The following EPB41L4A variants were observed in gnomAD, a reference collection of about 807,000 sequenced individuals.
The protein encoded by EPB41L4A is band 4.1-like protein 4A.
In EPB41L4A, 100 loss-of-function variants were observed where a neutral mutation model predicts 108.6. That is an observed-to-expected ratio of 0.92 (90% CI 0.78 to 1.09). The LOEUF is 1.09. Ranked by LOEUF, EPB41L4A falls within the 50% of genes least tolerant of loss-of-function variation. EPB41L4A has a pLI of 0.00. For synonymous variants in EPB41L4A, 319 were observed against 289.0 expected, an observed-to-expected ratio of 1.10 and a Z score of -1.05; for missense variants, 1,030 against 842.7, an observed-to-expected ratio of 1.22 and a Z score of -2.75.
At chr5:112,335,406 T>C (rs1384011134) in intron 1 of EPB41L4A, among the ~76,000 whole-genome samples, 1 of 152,222 alleles carries the variant, frequency 6.6e-6, no homozygotes, top group Non-Finnish European at 1.5e-5. Flanking sequence ...ACCACTTTCT[T>C]TGAAATCTTA....
At chr5:112,288,889 G>A (rs1005293124) in intron 2 of EPB41L4A, among the ~76,000 whole-genome samples, 1 of 151,408 alleles carries the variant, frequency 6.6e-6, no homozygotes, top group East Asian at 1.9e-4. Context: ...GTGCAGTGGC[G>A]CAATCTCGGC....
chr5:112,217,221 G>A (rs1166576140), intron 12 of EPB41L4A, among the ~76,000 whole-genome samples: 1 of 152,162 alleles, frequency 6.6e-6, no homozygotes, highest in Non-Finnish European at 1.5e-5. Context: ...TAGAATTACA[G>A]GCGTGAGCCA....
chr5:112,209,971 T>TG lies in EPB41L4A; in HGVS notation c.1098dup (p.Ile367HisfsTer3), dbSNP rs1762655597. On this transcript the variant is annotated frameshift_variant, in exon 13 of 23. Transcript: ENST00000261486. LOFTEE classifies it high-confidence loss of function. ...TCCATGTTTGCAGTTATCCTACTGA[T>TG]GCTGTTTGATTCTAGCAGAGGAGGA... 6.3e-6 allele frequency: 10 copies of TG among 1,587,178 alleles called. No homozygotes were observed. Among genetic ancestry groups the TG allele is most frequent in the Non-Finnish European group, 8.6e-6 (10 of 1,157,378 alleles).
chr5:112,169,448 T>A (rs1486563040), intron 20 of EPB41L4A, among the ~76,000 whole-genome samples: 3 of 152,170 alleles, frequency 2.0e-5, no homozygotes, highest in Non-Finnish European at 4.4e-5. Flanking sequence ...CAAAATGGCA[T>A]TCCTAATGGA....
chr5:112,266,229 C>G lies in EPB41L4A; in HGVS notation c.433+4G>C. 2 of 1,594,690 alleles carry G rather than the reference C, an allele frequency of 1.3e-6. No individual in the cohort carries two copies. The highest frequency in any genetic ancestry group is 1.7e-6 in the Non-Finnish European group (2 of 1,172,286). ...TGAGGCAAATATGCTTAAGTGGCAC[C>G]TACACTGGATGGCATACGCTCCCAG... On this transcript the variant is annotated splice_donor_region_variant and intron_variant, in intron 5 of 22. Transcript: ENST00000261486.
intron 18 of EPB41L4A, among the ~76,000 whole-genome samples, chr5:112,174,058 C>T (rs1580366912): frequency 6.6e-6 from 1 of 152,250 alleles, no homozygotes; most frequent in African/African-American, 2.4e-5. Context: ...CATAAAAGTC[C>T]TATTTTTAAC....
chr5:112,209,914 T>A lies in EPB41L4A; in HGVS notation c.1156A>T (p.Ile386Phe). 1 of 1,605,084 alleles carries A rather than the reference T, an allele frequency of 6.2e-7. No homozygotes were observed. Among genetic ancestry groups the A allele is most frequent in the Non-Finnish European group, 8.5e-7 (1 of 1,173,296 alleles). ...NGENEGTIKIIAPSPVKSFKK... is the reference protein window; with the variant it reads ...NGENEGTIKIFAPSPVKSFKK... ...GACCTTTTTACTGGTGAAGGTGCAA[T>A]AATTTTAATTGTTCCTTCATTTTCT... is the stretch of plus-strand genomic sequence containing the variant. Residue 386 changes from isoleucine (I) to phenylalanine (F), a missense_variant, in exon 13 of 23, where the codon ATT becomes TTT. By Grantham distance (21) the Ile-to-Phe change is conservative. Coordinates refer to ENST00000261486, the MANE Select transcript of EPB41L4A (RefSeq NM_022140.5).
At position 112,219,120 on chromosome 5, in the gene EPB41L4A, A is replaced by G. The variant is rs1317418105; in HGVS notation, c.1088-9138T>C. On this transcript the variant is annotated intron_variant, in intron 12 of 22. Transcript: ENST00000261486. ...ACTTCACCTACAAAATTTATCCCTA[A>G]TATGTTTTGAATTTGAAAGTTGATA... Among the ~76,000 whole-genome samples the G allele has an allele frequency of 2.6e-5, 4 of 152,174 alleles. No individual in the cohort carries two copies. The East Asian group carries it at 5.8e-4, about 22-fold the overall frequency.
chr5:112,382,095 T>G (rs1410405916), intron 1 of EPB41L4A, among the ~76,000 whole-genome samples: 1 of 152,224 alleles, frequency 6.6e-6, no homozygotes, highest in Non-Finnish European at 1.5e-5. Flanking sequence ...AAAACTCAAT[T>G]AGCACTTTTA....
At chr5:112,258,712 C>T (rs1005507795) in intron 9 of EPB41L4A, among the ~76,000 whole-genome samples, 8 of 152,212 alleles carry the variant, frequency 5.3e-5, no homozygotes, top group African/African-American at 1.7e-4. Context: ...TCCCAGAGGA[C>T]ATTGCCAAGT....
intron 1 of EPB41L4A, among the ~76,000 whole-genome samples, chr5:112,363,836 T>C (rs1270373496): frequency 1.3e-5 from 2 of 152,230 alleles, no homozygotes; most frequent in Non-Finnish European, 2.9e-5. Context: ...GGTTAGTGTT[T>C]TCCCTACTTC....
intron 22 of EPB41L4A, 98 bp from the exon 23 acceptor site, chr5:112,165,216 T>TA: frequency 1.1e-6 from 1 of 896,918 alleles, no homozygotes; most frequent in Admixed American, 2.5e-5. Flanking sequence ...AAATTTAAGA[T>TA]ACTGAGTTAA....
intron 1 of EPB41L4A, among the ~76,000 whole-genome samples, chr5:112,391,573 G>T (rs529284098): frequency 6.6e-6 from 1 of 152,236 alleles, no homozygotes; most frequent in Non-Finnish European, 1.5e-5. Flanking sequence ...AAGAAATATG[G>T]GACTATGTGA....
intron 12 of EPB41L4A, among the ~76,000 whole-genome samples, chr5:112,221,699 G>C (rs755973777): frequency 1.3e-5 from 2 of 152,148 alleles, no homozygotes; most frequent in Non-Finnish European, 2.9e-5. Context: ...TTATGCCAAA[G>C]AGGTGCCCAA....
chr5:112,348,981 A>G (rs1332527943), intron 1 of EPB41L4A, among the ~76,000 whole-genome samples: 1 of 152,210 alleles, frequency 6.6e-6, no homozygotes, highest in African/African-American at 2.4e-5. Flanking sequence ...TCTGGGAAAT[A>G]ACTGGAAGTA....
chr5:112,297,047 G>T (rs1279160632), intron 2 of EPB41L4A, among the ~76,000 whole-genome samples: 1 of 151,844 alleles, frequency 6.6e-6, no homozygotes, highest in African/African-American at 2.4e-5. Flanking sequence ...GTTGACTGAT[G>T]GGCATTTGGG....
At chr5:112,271,205 A>C (rs1752240050) in intron 4 of EPB41L4A, among the ~76,000 whole-genome samples, 1 of 152,374 alleles carries the variant, frequency 6.6e-6, no homozygotes, top group East Asian at 1.9e-4. Context: ...AAAATGATTC[A>C]TAGTTAAATC....
chr5:112,214,999 G>A (rs982726574), intron 12 of EPB41L4A, among the ~76,000 whole-genome samples: 4 of 151,958 alleles, frequency 2.6e-5, no homozygotes, highest in African/African-American at 9.7e-5. Flanking sequence ...ATAAAATGAA[G>A]GACACATCAT....
At chr5:112,339,488 A>ATATATATCTATAGC (rs1561585074) in intron 1 of EPB41L4A, among the ~76,000 whole-genome samples, 87 of 51,936 alleles carry the variant, frequency 1.7e-3, no homozygotes, top group Non-Finnish European at 2.7e-3. Context: ...ATATATATAT[A>ATATATATCTATAGC]TATATATCTA....
Sources: allele counts gnomAD v4.1 joint callset (sites outside exome capture counted in the v4.1 genomes callset), GRCh38; gene constraint gnomAD v4.1.1; transcripts MANE v1.5; gene names NCBI Gene and HGNC (gene_info 2026-07-23, HGNC 2026-07-21).